Variants in CHRM3 observed in about 807,000 individuals in gnomAD.
CHRM3 encodes muscarinic acetylcholine receptor M3.
Under a neutral mutation model 41.8 loss-of-function variants are expected in CHRM3, and 11 were observed. The observed-to-expected ratio is 0.26, with a 90% CI of 0.17 to 0.44. The LOEUF is 0.44. CHRM3 is among the 20% of genes least tolerant of loss of function. The pLI is 1.00. For missense variants in CHRM3, 571 were observed against 745.4 expected (o/e 0.77, Z 2.72); for synonymous variants, 297 against 301.4 (o/e 0.99, Z 0.15).
chr1:239,505,905 G>C (rs940514179), intron 2 of CHRM3, among the ~76,000 whole-genome samples: 7 of 152,164 alleles, frequency 4.6e-5, no homozygotes, highest in African/African-American at 1.7e-4. Flanking sequence ...TTAGCAACTA[G>C]AGCAAAGGTG....
intron 3 of CHRM3, among the ~76,000 whole-genome samples, chr1:239,627,765 T>G (rs1669157053): frequency 7.0e-6 from 1 of 143,086 alleles, no homozygotes; most frequent in Non-Finnish European, 1.5e-5. Flanking sequence ...CTTATGAAGC[T>G]TAGTTTGGCT....
chr1:239,488,759 A>G (rs184728250), intron 1 of CHRM3, among the ~76,000 whole-genome samples: 1 of 133,768 alleles, frequency 7.5e-6, no homozygotes, highest in Non-Finnish European at 1.6e-5. Flanking sequence ...AAAGGGAATT[A>G]GATGGTTTTG....
At chr1:239,605,546 A>T (rs1322203740) in intron 3 of CHRM3, among the ~76,000 whole-genome samples, 1 of 152,228 alleles carries the variant, frequency 6.6e-6, no homozygotes, top group Non-Finnish European at 1.5e-5. Flanking sequence ...AATGTTTAAA[A>T]GAATCATGAT....
chr1:239,768,767 A>AT (rs34982165), intron 5 of CHRM3, among the ~76,000 whole-genome samples: 57 of 142,850 alleles, frequency 4.0e-4, no homozygotes, highest in South Asian at 1.1e-3. Context: ...TTAAATGATA[A>AT]TTTTTTTTTT....
At chr1:239,554,779 G>A (rs1419176949) in intron 3 of CHRM3, among the ~76,000 whole-genome samples, 1 of 148,080 alleles carries the variant, frequency 6.8e-6, no homozygotes, top group Non-Finnish European at 1.5e-5. Flanking sequence ...GCCCAGGCTG[G>A]AGTGCAGTGG....
chr1:239,614,954 CA>C (rs1667471475), intron 3 of CHRM3, among the ~76,000 whole-genome samples: 1 of 152,000 alleles, frequency 6.6e-6, no homozygotes, highest in Admixed American at 6.6e-5. Context: ...ATTTTATACA[CA>C]GTAGGATTGT....
intron 6 of CHRM3, among the ~76,000 whole-genome samples, chr1:239,839,024 C>T (rs1400048179): frequency 6.6e-6 from 1 of 152,160 alleles, no homozygotes; most frequent in Non-Finnish European, 1.5e-5. Context: ...AAGAAGAGAG[C>T]ATCATACTCA....
chr1:239,589,173 A>T (rs1663783409), intron 3 of CHRM3, among the ~76,000 whole-genome samples: 1 of 152,006 alleles, frequency 6.6e-6, no homozygotes. Context: ...ACCTCAAGTG[A>T]TCCGCCCTCC....
At chr1:239,542,175 C>T (rs181397470) in intron 2 of CHRM3, among the ~76,000 whole-genome samples, 13 of 152,074 alleles carry the variant, frequency 8.5e-5, no homozygotes, top group South Asian at 2.1e-4. Context: ...AAGACAGATA[C>T]GCAAACAGAT....
chr1:239,394,483 A>G (rs1659311129), intron 1 of CHRM3, among the ~76,000 whole-genome samples: 1 of 152,220 alleles, frequency 6.6e-6, no homozygotes, highest in Non-Finnish European at 1.5e-5. Flanking sequence ...TAACTTCATC[A>G]CATCACATCT....
chr1:239,415,181 G>T (rs1661401365), intron 1 of CHRM3, among the ~76,000 whole-genome samples: 1 of 152,136 alleles, frequency 6.6e-6, no homozygotes, highest in African/African-American at 2.4e-5. Flanking sequence ...TGGTGCGGTG[G>T]CTCATGCCAG....
intron 5 of CHRM3, among the ~76,000 whole-genome samples, chr1:239,758,444 G>A (rs2148630070): frequency 6.6e-6 from 1 of 152,250 alleles, no homozygotes; most frequent in East Asian, 1.9e-4. Context: ...TGTAATCATT[G>A]TAATGATATT....
At chr1:239,513,186 A>G (rs557615451) in intron 2 of CHRM3, among the ~76,000 whole-genome samples, 1 of 152,334 alleles carries the variant, frequency 6.6e-6, no homozygotes, top group Admixed American at 6.5e-5. Flanking sequence ...GAAGACAGCA[A>G]TAAGGGCACA....
In CHRM3 at chr1:239,911,859, A is replaced by G. The variant is rs189423584; in HGVS notation, c.*2635A>G. 2.2e-3 allele frequency: 361 copies of G among 167,154 alleles called. No homozygotes were observed. The highest frequency in any genetic ancestry group is 3.5e-3 in the Non-Finnish European group (239 of 68,110). The allele number at this position is 167,154 out of a possible 1,614,324, so 10.4% of individuals were successfully genotyped here. On this transcript the variant is annotated 3_prime_UTR_variant, in exon 7 of 7. Coordinates refer to ENST00000676153, the MANE Select transcript of CHRM3 (RefSeq NM_001375978.1). Reference sequence around the variant, plus strand: ...TTCAGAGAAAGAAAACAAGCAAAATAGGTTCTTTTGAATATGAATAATTTA... The same window carrying G: ...TTCAGAGAAAGAAAACAAGCAAAATGGGTTCTTTTGAATATGAATAATTTA...
chr1:239,796,016 CT>C (rs1371410558), intron 5 of CHRM3, among the ~76,000 whole-genome samples: 1 of 152,036 alleles, frequency 6.6e-6, no homozygotes, highest in Admixed American at 6.6e-5. Flanking sequence ...TTCTTGGAGT[CT>C]TTTGGCTGAG....
rs766170393 is a variant in CHRM3, at chr1:239,908,510, CGAG to C, written c.1065_1067del (p.Glu355del). ...CCCTGGAGAACTCCGCCTCCTCCGA[CGAG>C]GAGGACATTGGCTCCGAGACGAGAG... On this transcript the variant is annotated inframe_deletion, in exon 7 of 7. Transcript: ENST00000676153. The surrounding 1 kb of genome is among the most constrained non-coding windows in gnomAD (Gnocchi z 7.2). 17 of 1,598,818 alleles carry C rather than the reference CGAG, an allele frequency of 1.1e-5. No individual in the cohort carries two copies. The highest frequency in any genetic ancestry group is 1.4e-5 in the Non-Finnish European group (16 of 1,172,550).
chr1:239,894,267 A>G (rs1355902387), intron 6 of CHRM3, among the ~76,000 whole-genome samples: 6 of 152,230 alleles, frequency 3.9e-5, no homozygotes, highest in Admixed American at 2.0e-4. Context: ...GTAAAATAAA[A>G]ACGTATATAT....
intron 5 of CHRM3, among the ~76,000 whole-genome samples, chr1:239,780,917 C>T (rs796926096): frequency 5.9e-5 from 9 of 151,942 alleles, no homozygotes; most frequent in African/African-American, 1.9e-4. Flanking sequence ...TGTGAAAGAT[C>T]GGTTCACTAT....
chr1:239,802,689 C>T (rs1266260884), intron 5 of CHRM3, among the ~76,000 whole-genome samples: 1 of 152,194 alleles, frequency 6.6e-6, no homozygotes, highest in Admixed American at 6.5e-5. Flanking sequence ...CTCAACCTCC[C>T]TGGGCTTAGG....
Sources: allele counts gnomAD v4.1 joint callset (sites outside exome capture counted in the v4.1 genomes callset), GRCh38; gene constraint gnomAD v4.1.1; non-coding constraint Gnocchi (gnomAD v3.1); transcripts MANE v1.5; gene names NCBI Gene and HGNC (gene_info 2026-07-23, HGNC 2026-07-21).